The following AMELX variants were observed in gnomAD, a reference collection of about 807,000 sequenced individuals.
AMELX encodes the protein amelogenin X-linked, also known as amelogenin, X isoform.
Under a neutral mutation model 15.8 loss-of-function variants are expected in AMELX, and 9 were observed. That is an observed-to-expected ratio of 0.57 (90% CI 0.34 to 0.99). The LOEUF is 0.99. AMELX is among the 50% of genes least tolerant of loss of function. The probability of loss-of-function intolerance (pLI) is 0.02; values close to 1 mark genes in which losing one functional copy is unlikely to be tolerated. For synonymous variants in AMELX, 61 were observed against 58.8 expected, an observed-to-expected ratio of 1.04 and a Z score of -0.17; for missense variants, 107 against 156.2, an observed-to-expected ratio of 0.68 and a Z score of 1.68.
In AMELX at chrX:11,296,814, C is replaced by T. The variant is rs1304835302; in HGVS notation, c.90C>T (p.Asn30=). The T allele has an allele frequency of 8.3e-7, 1 of 1,211,003 alleles. No individual in the cohort carries two copies. The highest frequency in any genetic ancestry group is 1.8e-5 in the South Asian group (1 of 56,934). The part of the protein sequence containing the change: ...PPHPGHPGYI[N]FSYEVLTPLK... ...ATCCTGGGCACCCTGGTTATATCAACTTCAGCTATGAGGTAATTTTTCTCT... is the reference window on the plus strand; with the variant it reads ...ATCCTGGGCACCCTGGTTATATCAATTTCAGCTATGAGGTAATTTTTCTCT... The change falls in exon 3 of 6, where the codon AAC becomes AAT. Residue 30 remains asparagine, a synonymous_variant. Transcript: ENST00000380714.
In AMELX at chrX:11,298,758, C is replaced by T; in HGVS notation, c.355C>T (p.Leu119Phe). The T allele has an allele frequency of 8.3e-7, 1 of 1,211,229 alleles. No homozygotes were observed. Among genetic ancestry groups the T allele is most frequent in the Non-Finnish European group, 1.1e-6 (1 of 895,376 alleles). Residue 119 changes from leucine to phenylalanine, a missense_variant, in exon 5 of 6, where the codon CTC becomes TTC. Physicochemically the swap from Leu to Phe is conservative, Grantham distance 22. Transcript: ENST00000380714. ...TCCAATCCAACACCACCAGCCAAACCTCCCTCCGCCCGCCCAGCAGCCCTA... is the reference window on the plus strand; with the variant it reads ...TCCAATCCAACACCACCAGCCAAACTTCCCTCCGCCCGCCCAGCAGCCCTA... ...MTPIQHHQPN[L>F]PPPAQQPYQP...
At chrX:11,306,184 C>T in the AMELX span, among the ~76,000 whole-genome samples, 1 of 112,163 alleles carries the variant, frequency 8.9e-6, no homozygotes, top group African/African-American at 3.2e-5. Flanking sequence ...TGGGAGCAGC[C>T]ATCAATGACC....
chrX:11,303,451 T>C (rs1365109857), downstream of AMELX, among the ~76,000 whole-genome samples: 1 of 111,795 alleles, frequency 8.9e-6, no homozygotes, highest in Non-Finnish European at 1.9e-5. Flanking sequence ...GAGTGGTCAT[T>C]TGGGTTCGAA....
rs143860203 is a variant in AMELX at position 11,298,877 on chromosome X, G to A, written c.474G>A (p.Leu158=). 1.7e-3 allele frequency: 2,008 copies of A among 1,208,765 alleles called. 1 individual carries two copies. The highest frequency in any genetic ancestry group is 2.1e-3 in the Non-Finnish European group (1,870 of 894,903). ...PMQPLPPQPP[L]PPMFPMQPLP... is the part of the protein sequence containing the mutation. ...AGCCCCTGCCGCCACAGCCACCTCT[G>A]CCTCCGATGTTCCCCATGCAGCCCC... Residue 158 remains leucine, a synonymous_variant, in exon 5 of 6, where the codon CTG becomes CTA. Coordinates refer to ENST00000380714, the MANE Select transcript of AMELX (RefSeq NM_001142.2).
downstream of AMELX, among the ~76,000 whole-genome samples, chrX:11,304,248 C>T (rs891135699): frequency 1.0e-4 from 11 of 110,354 alleles, no homozygotes; most frequent in African/African-American, 3.6e-4. Flanking sequence ...AGCCACCACA[C>T]CCAGCTAATT....
chrX:11,300,482 A>T, intron 5 of AMELX, 125 bp from the exon 6 acceptor site: 1 of 551,057 alleles, frequency 1.8e-6, no homozygotes, highest in East Asian at 3.5e-5. Context: ...TTCAGAAATT[A>T]TAGAGTTCAA....
chrX:11,297,655 T>G (rs2048109285), intron 3 of AMELX, among the ~76,000 whole-genome samples: 2 of 111,611 alleles, frequency 1.8e-5, no homozygotes. Flanking sequence ...AATCTATGAG[T>G]TTATTTACTT....
Position 11,300,661 on chromosome X carries a change from T to A in AMELX, c.*49T>A. The A allele has an allele frequency of 8.8e-7, 1 of 1,137,241 alleles. No homozygotes were observed. Among genetic ancestry groups the A allele is most frequent in the Non-Finnish European group, 1.2e-6 (1 of 832,725 alleles). The allele number at this position is 1,137,241 out of a possible 1,213,427, so 93.7% of individuals were successfully genotyped here. ...TGAATACTTCAGATGCTTTCAGGAG[T>A]GACACAAGAACACAATGATTTTTGC... On this transcript the variant is annotated 3_prime_UTR_variant, in exon 6 of 6. Transcript: ENST00000380714.
At chrX:11,305,844 G>T in the AMELX span, among the ~76,000 whole-genome samples, 1 of 111,815 alleles carries the variant, frequency 8.9e-6, no homozygotes, top group Non-Finnish European at 1.9e-5. Flanking sequence ...TTACAAAATT[G>T]TTACAGAATA....
the AMELX span, among the ~76,000 whole-genome samples, chrX:11,307,783 T>C: frequency 6.2e-5 from 7 of 112,016 alleles, no homozygotes; most frequent in Admixed American, 9.5e-5. Context: ...GGCTTTTTTT[T>C]CCCCGTTCTG....
At chrX:11,307,117 T>TTTCTCTCACTGATTAG in the AMELX span, among the ~76,000 whole-genome samples, 1 of 110,671 alleles carries the variant, frequency 9.0e-6, no homozygotes, top group African/African-American at 3.3e-5. Flanking sequence ...AGGCCCTGTC[T>TTTCTCTCACTGATTAG]TTCTCTCACT....
At chrX:11,307,719 T>C in the AMELX span, among the ~76,000 whole-genome samples, 1,558 of 112,448 alleles carry the variant, frequency 0.014, 28 homozygotes, top group African/African-American at 0.047. Context: ...GTGCAGTTCT[T>C]ATCAGCAGGA....
At chrX:11,299,969 T>A (rs1482278237) in intron 5 of AMELX, among the ~76,000 whole-genome samples, 2 of 112,193 alleles carry the variant, frequency 1.8e-5, no homozygotes, top group African/African-American at 3.2e-5. Context: ...TTTCTGAATT[T>A]AAAAAAATCA....
At chrX:11,297,410 G>A (rs2048104462) in intron 3 of AMELX, among the ~76,000 whole-genome samples, 1 of 111,852 alleles carries the variant, frequency 8.9e-6, no homozygotes, top group Non-Finnish European at 1.9e-5. Flanking sequence ...TTCCTCATCT[G>A]GAGAAAGGAA....
At chrX:11,308,330 T>C in the AMELX span, among the ~76,000 whole-genome samples, 1 of 111,940 alleles carries the variant, frequency 8.9e-6, no homozygotes, top group East Asian at 2.8e-4. Context: ...TAAGGTTCTT[T>C]CTATGAAATC....
downstream of AMELX, among the ~76,000 whole-genome samples, chrX:11,301,473 A>C (rs1427988309): frequency 8.9e-6 from 1 of 112,129 alleles, no homozygotes; most frequent in Admixed American, 9.5e-5. Flanking sequence ...ACAGAATTGT[A>C]AACAGTCTTT....
intron 1 of AMELX, 140 bp from the exon 2 acceptor site, chrX:11,294,637 G>C: frequency 4.5e-6 from 3 of 659,356 alleles, no homozygotes; most frequent in Non-Finnish European, 7.4e-6. Context: ...AATCACATAT[G>C]ACTGAAGTAA....
intron 3 of AMELX, among the ~76,000 whole-genome samples, chrX:11,297,290 C>T (rs779075042): frequency 3.6e-5 from 4 of 111,919 alleles, no homozygotes; most frequent in African/African-American, 9.7e-5. Flanking sequence ...GGAGAGACTC[C>T]GCAGAACAGC....
downstream of AMELX, among the ~76,000 whole-genome samples, chrX:11,300,943 T>G (rs1050669086): frequency 1.3e-4 from 15 of 112,056 alleles, no homozygotes; most frequent in Non-Finnish European, 2.6e-4. Flanking sequence ...CTCAAATCTT[T>G]TTTAAAAAAC....
Sources: allele counts gnomAD v4.1 joint callset (sites outside exome capture counted in the v4.1 genomes callset), GRCh38; gene constraint gnomAD v4.1.1; transcripts MANE v1.5; gene names NCBI Gene and HGNC (gene_info 2026-07-23, HGNC 2026-07-21).